Variants in BCKDHB observed in about 807,000 individuals in gnomAD.
BCKDHB encodes the protein branched chain keto acid dehydrogenase E1 subunit beta.
Under a neutral mutation model 48.5 loss-of-function variants are expected in BCKDHB, and 41 were observed. The observed-to-expected ratio is 0.85, with a 90% confidence interval of 0.66 to 1.10. The LOEUF is 1.10. Among genes scored for constraint, BCKDHB ranks in the 50% least tolerant of loss-of-function variants. The probability of loss-of-function intolerance (pLI) is 0.00; values close to 1 mark genes in which losing one functional copy is unlikely to be tolerated. For synonymous variants in BCKDHB, 201 were observed against 174.8 expected, an observed-to-expected ratio of 1.15 and a Z score of -1.18; for missense variants, 496 against 494.2, an observed-to-expected ratio of 1.00 and a Z score of -0.03.
chr6:80,131,993 TTTTTA>T (rs1770653075), intron 3 of BCKDHB, among the ~76,000 whole-genome samples: 1 of 152,106 alleles, frequency 6.6e-6, no homozygotes, highest in African/African-American at 2.4e-5. Context: ...TCTGCTTTTA[TTTTTA>T]TTTTATTTAT....
intron 3 of BCKDHB, among the ~76,000 whole-genome samples, chr6:80,139,543 CCATT>C (rs1298555614): frequency 2.0e-5 from 3 of 150,368 alleles, no homozygotes; most frequent in Non-Finnish European, 3.0e-5. Flanking sequence ...TTTCCCAGCA[CCATT>C]TATTAAATAG....
the BCKDHB span, chr6:80,355,694 G>A: frequency 6.6e-6 from 1 of 152,070 alleles, no homozygotes; most frequent in Non-Finnish European, 1.5e-5. Flanking sequence ...ACCCACAAGG[G>A]TTTCCCTAAT....
chr6:80,199,277 A>G (rs1210224096), intron 6 of BCKDHB, among the ~76,000 whole-genome samples: 1 of 151,734 alleles, frequency 6.6e-6, no homozygotes, highest in East Asian at 1.9e-4. Context: ...TCCACAGCAG[A>G]CTCCTGGGAA....
the BCKDHB span, among the ~76,000 whole-genome samples, chr6:80,451,003 G>C: frequency 2.0e-5 from 3 of 152,094 alleles, no homozygotes. Context: ...GTCAACTAAA[G>C]ACGTCATGAG....
the BCKDHB span, among the ~76,000 whole-genome samples, chr6:80,358,438 C>CT: frequency 6.6e-6 from 1 of 152,120 alleles, no homozygotes; most frequent in Non-Finnish European, 1.5e-5. Flanking sequence ...TGGTTTCTCT[C>CT]TTTTGCCTTA....
intron 3 of BCKDHB, among the ~76,000 whole-genome samples, chr6:80,129,626 A>C (rs1441609277): frequency 4.6e-5 from 7 of 152,018 alleles, no homozygotes; most frequent in Non-Finnish European, 5.9e-5. Flanking sequence ...AGAGAGAGAG[A>C]GAGAGGGAGA....
intron 8 of BCKDHB, among the ~76,000 whole-genome samples, chr6:80,258,933 C>T (rs1245151979): frequency 6.6e-6 from 1 of 152,168 alleles, no homozygotes; most frequent in African/African-American, 2.4e-5. Flanking sequence ...AGGTCTTATG[C>T]TTCAAGTTAC....
the BCKDHB span, among the ~76,000 whole-genome samples, chr6:80,396,432 G>A: frequency 6.6e-6 from 1 of 152,164 alleles, no homozygotes; most frequent in South Asian, 2.1e-4. Flanking sequence ...ATGACACTTT[G>A]GACTTGGACT....
chr6:80,217,896 G>C (rs553880176), intron 8 of BCKDHB, among the ~76,000 whole-genome samples: 1 of 152,324 alleles, frequency 6.6e-6, no homozygotes, highest in South Asian at 2.1e-4. Context: ...GATTGAGCCT[G>C]TTGATTTATG....
At position 80,168,944 on chromosome 6, in the gene BCKDHB, C is replaced by A; in HGVS notation, c.547C>A (p.Arg183=). 1 of 1,614,124 alleles carries A rather than the reference C, an allele frequency of 6.2e-7. No individual in the cohort carries two copies. The highest frequency in any genetic ancestry group is 8.5e-7 in the Non-Finnish European group (1 of 1,179,992). ...TTTTAACTGTGGAAGCCTCACTATC[C>A]GGTCCCCTTGGGGCTGTGTTGGTCA... ...DLFNCGSLTI[R]SPWGCVGHGA... is the part of the protein sequence containing the mutation. The change falls in exon 5 of 10, where the codon CGG becomes AGG. Residue 183 remains arginine (R), a synonymous_variant. Coordinates refer to ENST00000320393, the MANE Select transcript of BCKDHB (RefSeq NM_183050.4).
intron 9 of BCKDHB, among the ~76,000 whole-genome samples, chr6:80,326,009 C>T (rs1769014240): frequency 6.6e-6 from 1 of 151,998 alleles, no homozygotes; most frequent in Non-Finnish European, 1.5e-5. Flanking sequence ...AGAGCAAAAC[C>T]GAGGAAATCT....
intron 6 of BCKDHB, among the ~76,000 whole-genome samples, chr6:80,183,312 C>T (rs765989693): frequency 5.3e-5 from 8 of 152,064 alleles, no homozygotes; most frequent in Non-Finnish European, 1.0e-4. Context: ...AATAAAGTAA[C>T]TGTTACTAAA....
chr6:80,110,998 A>G (rs771387003), intron 1 of BCKDHB, among the ~76,000 whole-genome samples: 1 of 152,204 alleles, frequency 6.6e-6, no homozygotes, highest in Non-Finnish European at 1.5e-5. Context: ...GATGATGCTT[A>G]AATTGTAGTA....
intron 6 of BCKDHB, among the ~76,000 whole-genome samples, chr6:80,200,025 C>G (rs913805587): frequency 2.9e-4 from 39 of 132,226 alleles, no homozygotes; most frequent in African/African-American, 1.1e-3. Context: ...GATCACACCA[C>G]TGCACTCCAG....
At position 80,340,677 on chromosome 6, in the gene BCKDHB, A is replaced by G. The variant is rs141584246; in HGVS notation, c.1039-2987A>G. Among the ~76,000 whole-genome samples, 704 of 152,306 alleles carry G rather than the reference A, an allele frequency of 4.6e-3. 10 individuals are homozygous for G. Among genetic ancestry groups the G allele is most frequent in the Admixed American group, 0.03 (455 of 15,292 alleles). ...GAATTGTCATGAAAATTCAGGGCACATGGTTGCTATGGTTATGGCGTCATG... is the reference window on the plus strand; with the variant it reads ...GAATTGTCATGAAAATTCAGGGCACGTGGTTGCTATGGTTATGGCGTCATG... On this transcript the variant is annotated intron_variant, in intron 9 of 9. Transcript: ENST00000320393.
At chr6:80,435,394 C>A in the BCKDHB span, among the ~76,000 whole-genome samples, 1 of 152,126 alleles carries the variant, frequency 6.6e-6, no homozygotes, top group African/African-American at 2.4e-5. Context: ...ATAGCTCTAT[C>A]TATATATGTA....
At chr6:80,214,258 A>G (rs781364482) in intron 8 of BCKDHB, among the ~76,000 whole-genome samples, 1 of 152,236 alleles carries the variant, frequency 6.6e-6, no homozygotes, top group Non-Finnish European at 1.5e-5. Flanking sequence ...GGTGTTAATC[A>G]CCAAGTATTT....
intron 9 of BCKDHB, among the ~76,000 whole-genome samples, chr6:80,324,215 A>G (rs1768910962): frequency 6.6e-6 from 1 of 152,212 alleles, no homozygotes. Flanking sequence ...AGTCCTGGTT[A>G]TCCATTACAA....
In BCKDHB at chr6:80,322,351, G is replaced by A. The variant is rs967615666; in HGVS notation, c.1039-21313G>A. 1.3e-4 allele frequency among the ~76,000 whole-genome samples: 19 copies of A among 148,340 alleles called. No homozygotes were observed. The East Asian group carries it at 3.0e-3, about 24-fold the overall frequency. On this transcript the variant is annotated intron_variant, in intron 9 of 9. Coordinates refer to ENST00000320393, the MANE Select transcript of BCKDHB (RefSeq NM_183050.4). ...CCTCCCAGGTTCAAGTGATTCTCCTGCCTCAGCCTCCCGAGTAGCTGGGAT... is the reference window on the plus strand; with the variant it reads ...CCTCCCAGGTTCAAGTGATTCTCCTACCTCAGCCTCCCGAGTAGCTGGGAT...
Sources: allele counts gnomAD v4.1 joint callset (sites outside exome capture counted in the v4.1 genomes callset), GRCh38; gene constraint gnomAD v4.1.1; transcripts MANE v1.5; gene names NCBI Gene and HGNC (gene_info 2026-07-23, HGNC 2026-07-21).